SPAG9: variants seen among roughly 807,000 people sequenced by gnomAD.
The protein encoded by SPAG9 is sperm associated antigen 9.
SPAG9 carries 35 observed loss-of-function variants against 166.5 expected under a neutral mutation model. That is an observed-to-expected ratio of 0.21 (90% CI 0.16 to 0.28). The LOEUF is 0.28. Among genes scored for constraint, SPAG9 ranks in the 10% least tolerant of loss-of-function variants. The probability of loss-of-function intolerance (pLI) is 1.00; values close to 1 mark genes in which losing one functional copy is unlikely to be tolerated. For missense variants in SPAG9, 1,235 were observed against 1,603.3 expected, an observed-to-expected ratio of 0.77 and a Z score of 3.92; for synonymous variants, 534 against 565.5, an observed-to-expected ratio of 0.94 and a Z score of 0.79.
chr17:51,057,127 G>T (rs2047383558), intron 2 of SPAG9, among the ~76,000 whole-genome samples: 2 of 152,182 alleles, frequency 1.3e-5, no homozygotes, highest in East Asian at 3.8e-4. Flanking sequence ...TGTCCACACA[G>T]AACCACAAAG....
At position 51,022,631 on chromosome 17, in the gene SPAG9, CTAATAA is replaced by C. The variant is rs57083539; in HGVS notation, c.784-1272_784-1267del. On this transcript the variant is annotated intron_variant, in intron 6 of 29. Transcript: ENST00000262013. Reference sequence around the variant, plus strand: ...GACAAAAAGTTTACAGCCACCACCACTAATAATAATAATAATAATAATAATAATAAC... The same window carrying C: ...GACAAAAAGTTTACAGCCACCACCACTAATAATAATAATAATAATAATAAC... 1.8e-3 allele frequency among the ~76,000 whole-genome samples: 268 copies of C among 148,228 alleles called. 1 individual carries two copies. Among genetic ancestry groups the C allele is most frequent in the East Asian group, 0.011 (55 of 5,116 alleles).
At chr17:50,974,674 T>C (rs892177437) in intron 28 of SPAG9, 97 bp downstream of exon 28, 3 of 1,045,908 alleles carry the variant, frequency 2.9e-6, no homozygotes, top group African/African-American at 1.7e-5. Context: ...TTACCTGCAA[T>C]TCGAGTACTT....
chr17:51,077,219 G>A (rs765826515), intron 2 of SPAG9, among the ~76,000 whole-genome samples: 33 of 151,844 alleles, frequency 2.2e-4, no homozygotes, highest in Non-Finnish European at 4.0e-4. Flanking sequence ...CACCTCCCGG[G>A]GTCAAGCGAT....
intron 22 of SPAG9, among the ~76,000 whole-genome samples, chr17:50,986,233 TG>T (rs1209396468): frequency 6.6e-6 from 1 of 151,984 alleles, no homozygotes; most frequent in East Asian, 1.9e-4. Context: ...AAAGTGTGTG[TG>T]GGGGGGAAAT....
intron 9 of SPAG9, chr17:51,009,035 C>T (rs184322259): frequency 1.9e-5 from 7 of 369,116 alleles, no homozygotes; most frequent in Non-Finnish European, 3.7e-5. Flanking sequence ...AATAGTTGAG[C>T]AGAAAAAAAT....
chr17:50,970,908 G>GT (rs755249209), intron 28 of SPAG9, 52 bp from the exon 29 acceptor site: 84 of 1,375,786 alleles, frequency 6.1e-5, no homozygotes, highest in South Asian at 1.9e-4. Flanking sequence ...AAGGGAGGCT[G>GT]TTTTGTTTTT....
intron 6 of SPAG9, among the ~76,000 whole-genome samples, chr17:51,027,662 G>A (rs1046630120): frequency 2.6e-5 from 4 of 152,064 alleles, no homozygotes; most frequent in African/African-American, 9.7e-5. Flanking sequence ...CCAGTGCAAT[G>A]CCCTAGTGTG....
chr17:51,031,857 T>C (rs1369849326), intron 5 of SPAG9, 135 bp from the exon 6 acceptor site: 1 of 748,158 alleles, frequency 1.3e-6, no homozygotes, highest in African/African-American at 1.7e-5. Flanking sequence ...AATGAGGGTT[T>C]GGAAGCTTTG....
intron 6 of SPAG9, chr17:51,030,765 A>G (rs965095120): frequency 6.6e-6 from 1 of 152,184 alleles, no homozygotes; most frequent in African/African-American, 2.4e-5. Context: ...AACTCTGAGT[A>G]TATTTCAAAG....
At chr17:51,057,183 G>A (rs890903101) in intron 2 of SPAG9, among the ~76,000 whole-genome samples, 1 of 152,162 alleles carries the variant, frequency 6.6e-6, no homozygotes, top group Admixed American at 6.5e-5. Flanking sequence ...GAGCATTCCT[G>A]ACACTGTTAC....
intron 1 of SPAG9, among the ~76,000 whole-genome samples, chr17:51,088,467 A>G (rs914870879): frequency 2.6e-5 from 4 of 152,176 alleles, no homozygotes; most frequent in Non-Finnish European, 5.9e-5. Context: ...CTATAATGAA[A>G]GCAGAGAGGA....
chr17:50,984,886 A>T (rs760028557), intron 24 of SPAG9, 37 bp downstream of exon 24: 10 of 1,549,824 alleles, frequency 6.5e-6, no homozygotes, highest in Admixed American at 1.7e-5. Context: ...GCAAAGCAAC[A>T]AATTAGTGTC....
rs369859586 is a variant in SPAG9 at position 51,004,581 on chromosome 17, T to C, written c.1476+631A>G. On this transcript the variant is annotated intron_variant, in intron 12 of 29. Transcript: ENST00000262013. ...GGCAAAATCCCACCTTTACTAAGAATACAAAAAATTAGCCAAATTAGACTT... is the reference window on the plus strand; with the variant it reads ...GGCAAAATCCCACCTTTACTAAGAACACAAAAAATTAGCCAAATTAGACTT... Among the ~76,000 whole-genome samples, 12 of 152,188 alleles carry C rather than the reference T, an allele frequency of 7.9e-5. No homozygotes were observed. The East Asian group carries it at 1.4e-3, about 17-fold the overall frequency.
Position 51,001,818 on chromosome 17 carries a change from G to A in SPAG9, c.1504C>T (p.Arg502Trp), listed in dbSNP as rs774372149. ...DSDIPTAQRK[R>W]FTRVEMARVL... The stretch of plus-strand genomic sequence containing the variant: ...CGGGCCATTTCTACTCTAGTAAACC[G>A]TTTCCTCTGGGCTGTGGGAATATCA... The change falls in exon 13 of 30, where the codon CGG (arginine) becomes TGG (tryptophan). Residue 502 changes from arginine (R) to tryptophan (W), a missense_variant. Transcript: ENST00000262013. 10 of 1,613,108 alleles carry A rather than the reference G, an allele frequency of 6.2e-6. No individual in the cohort carries two copies. Among genetic ancestry groups the A allele is most frequent in the Non-Finnish European group, 8.5e-6 (10 of 1,179,460 alleles).
intron 1 of SPAG9, among the ~76,000 whole-genome samples, chr17:51,093,069 T>TAA (rs533198690): frequency 8.9e-5 from 9 of 101,122 alleles, no homozygotes; most frequent in African/African-American, 1.1e-4. Flanking sequence ...GATATTTCTG[T>TAA]AAAAAAAAAA....
rs755129448 is a variant in SPAG9, at chr17:50,966,391, G to C, written c.3851-4C>G. On this transcript the variant is annotated splice_region_variant and splice_polypyrimidine_tract_variant and intron_variant, in intron 29 of 29. Transcript: ENST00000262013. The stretch of plus-strand genomic sequence containing the variant: ...TCTGATTCTCCACCTTCATCACCTA[G>C]TGAATGATAAGAAGACTCAAGTTAG... 3.9e-6 allele frequency: 6 copies of C among 1,552,460 alleles called. No homozygotes were observed. Among genetic ancestry groups the C allele is most frequent in the Admixed American group, 3.3e-5 (2 of 59,930 alleles).
At chr17:50,973,655 G>GT (rs763557466) in intron 28 of SPAG9, among the ~76,000 whole-genome samples, 8 of 152,294 alleles carry the variant, frequency 5.3e-5, no homozygotes, top group East Asian at 1.9e-4. Flanking sequence ...AGATATCATT[G>GT]TAAGTCTTTT....
intron 18 of SPAG9, 46 bp from the exon 19 acceptor site, chr17:50,993,981 C>T (rs769688754): frequency 4.0e-6 from 6 of 1,514,368 alleles, no homozygotes; most frequent in Admixed American, 3.5e-5. Flanking sequence ...TATGTATGTA[C>T]AAATATTCAT....
chr17:50,966,449 C>T (rs1973370948), intron 29 of SPAG9, 62 bp from the exon 30 acceptor site: 1 of 1,029,684 alleles, frequency 9.7e-7, no homozygotes, highest in Non-Finnish European at 1.5e-6. Flanking sequence ...TGATGTGAGT[C>T]AGATGTAATG....
Sources: allele counts gnomAD v4.1 joint callset (sites outside exome capture counted in the v4.1 genomes callset), GRCh38; gene constraint gnomAD v4.1.1; transcripts MANE v1.5; gene names NCBI Gene and HGNC (gene_info 2026-07-23, HGNC 2026-07-21).